Variants in TMEM86A observed in about 807,000 individuals in gnomAD.
TMEM86A encodes transmembrane protein 86A.
In TMEM86A, 13 loss-of-function variants were observed where a neutral mutation model predicts 19.8. That is an observed-to-expected ratio of 0.66 (90% confidence interval 0.43 to 1.04). TMEM86A has a LOEUF of 1.04. TMEM86A is among the 50% of genes least tolerant of loss of function. The pLI, the probability that TMEM86A is intolerant of heterozygous loss-of-function variation, is 0.00. For synonymous variants in TMEM86A, 128 were observed against 129.9 expected (o/e 0.99, Z 0.10); for missense variants, 248 against 306.8 (o/e 0.81, Z 1.43).
At position 18,699,447 on chromosome 11, in the gene TMEM86A, C is replaced by T. The variant is rs9943483; in HGVS notation, c.21+540C>T. ...TGACATCCCCTGCTTTTCAGACTTT[C>T]TCAACTTGAACCTTTTGTTTCGTCT... On this transcript the variant is annotated intron_variant, in intron 1 of 2. Coordinates refer to ENST00000280734, the MANE Select transcript of TMEM86A (RefSeq NM_153347.3). This position sits in a 1 kb window ranked among gnomAD's most constrained non-coding sequence, Gnocchi z 4.0. Among the ~76,000 whole-genome samples, 61,277 of 152,158 alleles carry T rather than the reference C, an allele frequency of 0.4. 12,873 individuals are homozygous for T. The highest frequency in any genetic ancestry group is 0.43 in the Non-Finnish European group (29,292 of 67,994).
chr11:18,700,841 G>A (rs12802700), intron 1 of TMEM86A, 92 bp from the exon 2 acceptor site: 2 of 1,529,490 alleles, frequency 1.3e-6, no homozygotes, highest in African/African-American at 1.4e-5. Context: ...TGGGGGTATG[G>A]ATGGGAGTGT....
rs752407026 is a variant in TMEM86A at position 18,701,159 on chromosome 11, C to G, written c.248C>G (p.Ala83Gly). 2.7e-5 allele frequency: 43 copies of G among 1,613,778 alleles called. No homozygotes were observed. In the East Asian group the frequency reaches 7.8e-4, roughly 29 times the overall value. The change falls in exon 2 of 3, where the codon GCC becomes GGC. Residue 83 changes from alanine (A) to glycine (G), a missense_variant. Coordinates refer to ENST00000280734, the MANE Select transcript of TMEM86A (RefSeq NM_153347.3). This position sits in a 1 kb window ranked among gnomAD's most constrained non-coding sequence, Gnocchi z 5.3. ...CTTGTCTTCTCTGCTGTAGGTGACG[C>G]CTTCCTCATCTGGCAGGACCAAGGA... ...VGLVFSAVGD[A>G]FLIWQDQGYF...
At position 18,704,500 on chromosome 11, in the gene TMEM86A, T is replaced by C; in HGVS notation, c.*2491T>C. The C allele has an allele frequency of 1.9e-6, 3 of 1,550,772 alleles. No homozygotes were observed. The highest frequency in any genetic ancestry group is 2.6e-6 in the Non-Finnish European group (3 of 1,146,610). On this transcript the variant is annotated 3_prime_UTR_variant, in exon 3 of 3. Transcript: ENST00000280734. ...AGGTGCTTTGATTTCTTCTGCAGAC[T>C]CTCGGTGATGGATGCTACAACTGAC...
Position 18,702,321 on chromosome 11 carries a change from C to T in TMEM86A, c.*312C>T, listed in dbSNP as rs756925015. The T allele has an allele frequency of 7.3e-6, 3 of 410,566 alleles. No homozygotes were observed. Among genetic ancestry groups the T allele is most frequent in the Admixed American group, 7.2e-5 (2 of 27,850 alleles). 25.4% of individuals were successfully genotyped at this position (410,566 alleles called of 1,614,324 possible). The stretch of plus-strand genomic sequence containing the variant: ...TGATGGTGCTCAGCTTCTTGACACC[C>T]CCCCACCCACTTCCCCTACCAGGTG... On this transcript the variant is annotated 3_prime_UTR_variant, in exon 3 of 3. Coordinates refer to ENST00000280734, the MANE Select transcript of TMEM86A (RefSeq NM_153347.3).
rs772385304 is a variant in TMEM86A at position 18,701,030 on chromosome 11, C to G, written c.119C>G (p.Thr40Ser). 1.1e-5 allele frequency: 17 copies of G among 1,614,204 alleles called. No individual in the cohort carries two copies. The highest frequency in any genetic ancestry group is 1.4e-5 in the Non-Finnish European group (17 of 1,180,042). The stretch of plus-strand genomic sequence containing the variant: ...TCATCTAGCCCATCGTGGGTCAGCA[C>G]CCTCATCAAGTGCCTGCCTATCTTC... The part of the protein sequence containing the change: ...LPSSSPSWVS[T>S]LIKCLPIFCL... Residue 40 changes from threonine (T) to serine (S), a missense_variant, in exon 2 of 3, where the codon ACC becomes AGC. Coordinates refer to ENST00000280734, the MANE Select transcript of TMEM86A (RefSeq NM_153347.3). This position sits in a 1 kb window ranked among gnomAD's most constrained non-coding sequence, Gnocchi z 5.3.
Position 18,702,363 on chromosome 11 carries a change from T to C in TMEM86A, c.*354T>C, listed in dbSNP as rs997256994. 3 of 338,888 alleles carry C rather than the reference T, an allele frequency of 8.9e-6. No individual in the cohort carries two copies. Among genetic ancestry groups the C allele is most frequent in the African/African-American group, 2.1e-5 (1 of 47,590 alleles). The allele number at this position is 338,888 out of a possible 1,614,324, so 21.0% of individuals were successfully genotyped here. On this transcript the variant is annotated 3_prime_UTR_variant, in exon 3 of 3. Transcript: ENST00000280734. ...TACCAGGTGGAAGAGTCTGACTCCA[T>C]GTGTTATGCCTAGGACCAATGGCAG...
chr11:18,701,078 C>T lies in TMEM86A; in HGVS notation c.167C>T (p.Ala56Val). 1.2e-6 allele frequency: 2 copies of T among 1,614,156 alleles called. No individual in the cohort carries two copies. Among genetic ancestry groups the T allele is most frequent in the African/African-American group, 2.7e-5 (2 of 75,040 alleles). ...PIFCLWLFLL[A>V]HGLGFLLAHP... ...TTCTGCCTCTGGCTCTTCCTTCTGG[C>T]CCATGGCCTGGGATTCCTGCTGGCC... is the stretch of plus-strand genomic sequence containing the variant. Residue 56 changes from alanine to valine, a missense_variant, in exon 2 of 3, where the codon GCC (alanine) becomes GTC (valine). Physicochemically the swap from Ala to Val is moderately conservative, Grantham distance 64. Transcript: ENST00000280734. The surrounding 1 kb of genome is among the most constrained non-coding windows in gnomAD (Gnocchi z 5.3).
At position 18,704,398 on chromosome 11, in the gene TMEM86A, G is replaced by A; in HGVS notation, c.*2389G>A. 2.0e-6 allele frequency: 2 copies of A among 1,004,034 alleles called. No homozygotes were observed. Among genetic ancestry groups the A allele is most frequent in the Non-Finnish European group, 3.1e-6 (2 of 649,342 alleles). 62.2% of individuals were successfully genotyped at this position (1,004,034 alleles called of 1,614,324 possible). A position where few individuals can be genotyped will look rare whatever the true frequency, so the allele number is the denominator to read the frequency against. ...AGAGCAAACTGGGCTTCCTACACTG[G>A]GCCATGCAGAGGACAGGCCAAGAAA... On this transcript the variant is annotated 3_prime_UTR_variant, in exon 3 of 3. Transcript: ENST00000280734.
Position 18,701,090 on chromosome 11 carries a change from G to T in TMEM86A, c.179G>T (p.Gly60Val), listed in dbSNP as rs1848145288. ...CTCTTCCTTCTGGCCCATGGCCTGG[G>T]ATTCCTGCTGGCCCACCCCAGCGCC... ...LWLFLLAHGL[G>V]FLLAHPSATR... The change falls in exon 2 of 3, where the codon GGA becomes GTA. Residue 60 changes from glycine (G) to valine (V), a missense_variant. Gly to Val is a moderately radical substitution (Grantham distance 109, BLOSUM62 -3). Transcript: ENST00000280734. The surrounding 1 kb of genome is among the most constrained non-coding windows in gnomAD (Gnocchi z 5.3). 1.3e-5 allele frequency: 21 copies of T among 1,614,150 alleles called. No individual in the cohort carries two copies. The highest frequency in any genetic ancestry group is 1.8e-5 in the Non-Finnish European group (21 of 1,180,040).
rs1474184099 is a variant in TMEM86A at position 18,699,086 on chromosome 11, C to T, written c.21+179C>T. ...CGCCCCCCGCTCCTCAGACTCGCGG[C>T]GCCCCTCCTCGCGCGCCCCCAGCCC... On this transcript the variant is annotated intron_variant, in intron 1 of 2. Coordinates refer to ENST00000280734, the MANE Select transcript of TMEM86A (RefSeq NM_153347.3). The surrounding 1 kb of genome is among the most constrained non-coding windows in gnomAD (Gnocchi z 4.0). 1.3e-5 allele frequency among the ~76,000 whole-genome samples: 2 copies of T among 151,974 alleles called. No homozygotes were observed. Among genetic ancestry groups the T allele is most frequent in the African/African-American group, 4.8e-5 (2 of 41,424 alleles).
chr11:18,701,650 C>T lies in TMEM86A; in HGVS notation c.364C>T (p.Leu122=). Residue 122 remains leucine, a synonymous_variant, in exon 3 of 3, where the codon CTG becomes TTG. Transcript: ENST00000280734. The surrounding 1 kb of genome is among the most constrained non-coding windows in gnomAD (Gnocchi z 5.3). ...GMQPLALRTG[L]VMAALSGLCY... is the part of the protein sequence containing the mutation. ...GCAGCCACTGGCTCTTCGGACAGGT[C>T]TGGTGATGGCAGCGCTGTCGGGCCT... is the stretch of plus-strand genomic sequence containing the variant. 1 of 1,608,378 alleles carries T rather than the reference C, an allele frequency of 6.2e-7. No individual in the cohort carries two copies. Among genetic ancestry groups the T allele is most frequent in the Non-Finnish European group, 8.5e-7 (1 of 1,176,078 alleles).
Position 18,704,333 on chromosome 11 carries a change from C to G in TMEM86A, c.*2324C>G. The G allele has an allele frequency of 1.5e-6, 1 of 667,328 alleles. No homozygotes were observed. The highest frequency in any genetic ancestry group is 2.4e-5 in the Admixed American group (1 of 42,044). The allele number at this position is 667,328 out of a possible 1,614,324, so 41.3% of individuals were successfully genotyped here. On this transcript the variant is annotated 3_prime_UTR_variant, in exon 3 of 3. Transcript: ENST00000280734. ...GGGAAAGGATGAGTTACGTTTATTG[C>G]CCCATCCCTTCACTGAATGTTTACA...
chr11:18,701,732 T>G lies in TMEM86A; in HGVS notation c.446T>G (p.Val149Gly), dbSNP rs1282792770. The G allele has an allele frequency of 5.0e-6, 8 of 1,613,962 alleles. No individual in the cohort carries two copies. The highest frequency in any genetic ancestry group is 6.8e-6 in the Non-Finnish European group (8 of 1,179,980). ...LSGAFTYLVG[V>G]YVALIGFMGW... is the part of the protein sequence containing the mutation. ...GGTGCCTTCACCTACCTGGTGGGGG[T>G]CTATGTGGCCCTTATCGGCTTCATG... The change falls in exon 3 of 3, where the codon GTC becomes GGC. Residue 149 changes from valine (V) to glycine (G), a missense_variant. Coordinates refer to ENST00000280734, the MANE Select transcript of TMEM86A (RefSeq NM_153347.3). The surrounding 1 kb of genome is among the most constrained non-coding windows in gnomAD (Gnocchi z 5.3).
Position 18,699,504 on chromosome 11 carries a change from C to T in TMEM86A, c.21+597C>T, listed in dbSNP as rs1848131217. On this transcript the variant is annotated intron_variant, in intron 1 of 2. Transcript: ENST00000280734. The surrounding 1 kb of genome is among the most constrained non-coding windows in gnomAD (Gnocchi z 4.0). Reference sequence around the variant, plus strand: ...CCTCCTTATTCTACTACTGGGTTCCCTATAACTGTCAGGGTCTCTCCAGCT... The same window carrying T: ...CCTCCTTATTCTACTACTGGGTTCCTTATAACTGTCAGGGTCTCTCCAGCT... Among the ~76,000 whole-genome samples the T allele has an allele frequency of 6.6e-6, 1 of 152,174 alleles. No homozygotes were observed. Among genetic ancestry groups the T allele is most frequent in the African/African-American group, 2.4e-5 (1 of 41,434 alleles).
Position 18,702,043 on chromosome 11 carries a change from G to C in TMEM86A, c.*34G>C. 6.3e-7 allele frequency: 1 copy of C among 1,591,670 alleles called. No homozygotes were observed. Among genetic ancestry groups the C allele is most frequent in the Non-Finnish European group, 8.5e-7 (1 of 1,173,452 alleles). ...GGTCTGGTCACCCCTCTCTCCTCCTGGGGCTGGGGCCCAGATCCTGGGGAC... is the reference window on the plus strand; with the variant it reads ...GGTCTGGTCACCCCTCTCTCCTCCTCGGGCTGGGGCCCAGATCCTGGGGAC... On this transcript the variant is annotated 3_prime_UTR_variant, in exon 3 of 3. Coordinates refer to ENST00000280734, the MANE Select transcript of TMEM86A (RefSeq NM_153347.3).
Position 18,702,999 on chromosome 11 carries a change from C to T in TMEM86A, c.*990C>T, listed in dbSNP as rs1042820162. The T allele has an allele frequency of 1.3e-5, 2 of 152,644 alleles. No homozygotes were observed. Among genetic ancestry groups the T allele is most frequent in the South Asian group, 2.1e-4 (1 of 4,826 alleles). 9.5% of individuals were successfully genotyped at this position (152,644 alleles called of 1,614,324 possible). A position where few individuals can be genotyped will look rare whatever the true frequency, so the allele number is the denominator to read the frequency against. ...ACACTAGGAGCAAGAGGAGGGGGCT[C>T]CAATGACACTCCGGGGTTTTAAGAC... On this transcript the variant is annotated 3_prime_UTR_variant, in exon 3 of 3. Transcript: ENST00000280734.
Position 18,701,254 on chromosome 11 carries a change from C to G in TMEM86A, c.286+57C>G. On this transcript the variant is annotated intron_variant, in intron 2 of 2. Coordinates refer to ENST00000280734, the MANE Select transcript of TMEM86A (RefSeq NM_153347.3). The surrounding 1 kb of genome is among the most constrained non-coding windows in gnomAD (Gnocchi z 5.3). ...TCCTGGGGCTGGGGGATAGAGGGTC[C>G]TGGGCTGTGGGCAAAGATTTGGAAG... is the stretch of plus-strand genomic sequence containing the variant. 1.3e-6 allele frequency: 2 copies of G among 1,577,282 alleles called. No homozygotes were observed. Among genetic ancestry groups the G allele is most frequent in the South Asian group, 2.3e-5 (2 of 86,686 alleles).
Position 18,704,631 on chromosome 11 carries a change from C to CTGGA in TMEM86A, c.*2623_*2626dup. The CTGGA allele has an allele frequency of 1.2e-6, 1 of 801,072 alleles. No homozygotes were observed. Among genetic ancestry groups the CTGGA allele is most frequent in the Non-Finnish European group, 2.1e-6 (1 of 477,474 alleles). 49.6% of individuals were successfully genotyped at this position (801,072 alleles called of 1,614,324 possible). ...GACTTCCTATGCAGGAAACCAGGAG[C>CTGGA]TGGACCCTGGGACCCTTAATCTTGG... On this transcript the variant is annotated 3_prime_UTR_variant, in exon 3 of 3. Transcript: ENST00000280734.
chr11:18,701,536 G>A lies in TMEM86A; in HGVS notation c.287-37G>A. ...CACCCTGTTACTCATTCTTCATCAA[G>A]CTTGCCCTCAGCTGCCTTTGCCCCT... On this transcript the variant is annotated intron_variant, in intron 2 of 2. Coordinates refer to ENST00000280734, the MANE Select transcript of TMEM86A (RefSeq NM_153347.3). This position sits in a 1 kb window ranked among gnomAD's most constrained non-coding sequence, Gnocchi z 5.3. 1 of 1,526,232 alleles carries A rather than the reference G, an allele frequency of 6.6e-7. No individual in the cohort carries two copies. The highest frequency in any genetic ancestry group is 8.8e-7 in the Non-Finnish European group (1 of 1,136,672). The allele number at this position is 1,526,232 out of a possible 1,614,324, so 94.5% of individuals were successfully genotyped here.
Sources: gnomAD v4.1 joint callset for allele counts (sites outside exome capture counted in the v4.1 genomes callset) on GRCh38, gnomAD v4.1.1 for gene constraint, Gnocchi (gnomAD v3.1) non-coding constraint, MANE v1.5 for transcripts, NCBI Gene and HGNC (gene_info 2026-07-23, HGNC 2026-07-21) for gene names.